The following FMO3 variants were observed in gnomAD, a reference collection of about 807,000 sequenced individuals.
FMO3 encodes the protein flavin-containing monooxygenase 3.
In FMO3, 40 loss-of-function variants were observed where a neutral mutation model predicts 39.4. That is an observed-to-expected ratio of 1.02 (90% CI 0.79 to 1.32). FMO3 has a LOEUF of 1.32. Ranked by LOEUF, FMO3 falls within the 40% of genes most tolerant of loss-of-function variation. FMO3 has a pLI of 0.00. For missense variants in FMO3, 680 were observed against 651.8 expected (o/e 1.04, Z -0.47); for synonymous variants, 219 against 228.8 (o/e 0.96, Z 0.39).
chr1:171,091,209 G>A (rs1379039415), intron 1 of FMO3, among the ~76,000 whole-genome samples: 12 of 151,602 alleles, frequency 7.9e-5, no homozygotes, highest in Non-Finnish European at 1.8e-4. Flanking sequence ...CTGGATAAAA[G>A]CGAAACTCCG....
rs1316744721 is a variant in FMO3 at position 171,094,363 on chromosome 1, T to A, written c.132+1573T>A. ...TTGAGTTCCTTATAAATTCTGATAT[T>A]TGTCTTTTGTTGAATGCATAGCTTG... On this transcript the variant is annotated intron_variant, in intron 2 of 8. Transcript: ENST00000367755. Among the ~76,000 whole-genome samples the A allele has an allele frequency of 2.6e-5, 4 of 152,124 alleles. No individual in the cohort carries two copies. In the East Asian group the frequency reaches 7.7e-4, roughly 29 times the overall value.
chr1:171,113,947 G>T, intron 6 of FMO3, 60 bp from the exon 7 acceptor site: 2 of 1,227,616 alleles, frequency 1.6e-6, no homozygotes, highest in South Asian at 1.4e-5. Context: ...TTTATATATG[G>T]ACCAATAAAA....
At chr1:171,101,177 T>C (rs1239883036) in intron 2 of FMO3, 2 of 456,120 alleles carry the variant, frequency 4.4e-6, no homozygotes, top group Admixed American at 2.3e-5. Flanking sequence ...AGGAATGGAT[T>C]CTCTCCTGGA....
intron 2 of FMO3, chr1:171,101,688 C>T: frequency 2.0e-6 from 1 of 495,838 alleles, no homozygotes. Context: ...TGATCTAGAG[C>T]CACGATGATG....
chr1:171,102,393 A>T (rs1466292062), intron 2 of FMO3, among the ~76,000 whole-genome samples: 1 of 152,202 alleles, frequency 6.6e-6, no homozygotes, highest in Non-Finnish European at 1.5e-5. Context: ...AACAGAGCTA[A>T]ACCAAGGCTC....
chr1:171,108,250 C>G, intron 5 of FMO3, 29 bp downstream of exon 5: 1 of 1,612,788 alleles, frequency 6.2e-7, no homozygotes, highest in Non-Finnish European at 8.5e-7. Context: ...TCGGGTGACT[C>G]TCGTTACTGA....
chr1:171,104,852 C>T (rs771433444), intron 3 of FMO3, among the ~76,000 whole-genome samples: 8 of 151,522 alleles, frequency 5.3e-5, no homozygotes, highest in South Asian at 2.1e-4. Context: ...CCAGCCTGGG[C>T]GACAGAGTGA....
rs1654809798 is a variant in FMO3 at position 171,093,508 on chromosome 1, T to C, written c.132+718T>C. 1.4e-5 allele frequency among the ~76,000 whole-genome samples: 2 copies of C among 139,530 alleles called. 1 individual carries two copies. The highest frequency in any genetic ancestry group is 4.1e-4 in the South Asian group (2 of 4,820). 91.5% of individuals were successfully genotyped at this position (139,530 alleles called of 152,430 possible). On this transcript the variant is annotated intron_variant, in intron 2 of 8. Coordinates refer to ENST00000367755, the MANE Select transcript of FMO3 (RefSeq NM_001002294.3). ...ATTCCATGGTGTGTGCATATATACA[T>C]ACATATATATGTATATGCGTCTGTG... is the stretch of plus-strand genomic sequence containing the variant.
At chr1:171,103,472 A>G (rs1180767141) in intron 2 of FMO3, among the ~76,000 whole-genome samples, 2 of 152,178 alleles carry the variant, frequency 1.3e-5, no homozygotes, top group African/African-American at 4.8e-5. Flanking sequence ...GATTTAAAAA[A>G]TCCAAAAATA....
chr1:171,095,789 T>C (rs1195773246), intron 2 of FMO3, among the ~76,000 whole-genome samples: 2 of 122,874 alleles, frequency 1.6e-5, no homozygotes, highest in Non-Finnish European at 3.3e-5. Context: ...ATATTAAATA[T>C]ATAAAAAATA....
rs544115098 is a variant in FMO3, at chr1:171,102,145, CAATT to C, written c.133-1634_133-1631del. Among the ~76,000 whole-genome samples the C allele has an allele frequency of 1.0e-3, 157 of 152,226 alleles. 1 individual carries two copies. Among genetic ancestry groups the C allele is most frequent in the Middle Eastern group, 6.8e-3 (2 of 294 alleles). On this transcript the variant is annotated intron_variant, in intron 2 of 8. Coordinates refer to ENST00000367755, the MANE Select transcript of FMO3 (RefSeq NM_001002294.3). The stretch of plus-strand genomic sequence containing the variant: ...GAAATGAACATGGCAACTAATCTGC[CAATT>C]AATTATTTGTCAATAATGAAACTGC...
chr1:171,114,442 C>A, intron 7 of FMO3, 80 bp downstream of exon 7: 1 of 1,064,818 alleles, frequency 9.4e-7, no homozygotes, highest in Non-Finnish European at 1.4e-6. Flanking sequence ...AAACAATAAT[C>A]CTAGTTACAA....
intron 6 of FMO3, among the ~76,000 whole-genome samples, chr1:171,112,644 T>C (rs953173503): frequency 2.6e-5 from 4 of 152,128 alleles, no homozygotes; most frequent in African/African-American, 9.7e-5. Flanking sequence ...GTTTTAGACA[T>C]ATTAAAGTTG....
At chr1:171,102,950 C>G (rs965106819) in intron 2 of FMO3, among the ~76,000 whole-genome samples, 8 of 152,252 alleles carry the variant, frequency 5.3e-5, no homozygotes, top group South Asian at 2.1e-4. Context: ...GTGTTAGATT[C>G]AAAATAGTTA....
intron 1 of FMO3, among the ~76,000 whole-genome samples, chr1:171,091,894 T>G (rs533285498): frequency 9.6e-6 from 1 of 104,512 alleles, no homozygotes; most frequent in East Asian, 5.2e-4. Flanking sequence ...ACAGATTGCG[T>G]GTGTGTGTGT....
rs868221349 is a variant in FMO3 at position 171,096,717 on chromosome 1, A to T, written c.132+3927A>T. Among the ~76,000 whole-genome samples the T allele has an allele frequency of 6.5e-3, 900 of 139,442 alleles. 15 individuals are homozygous for T. The highest frequency in any genetic ancestry group is 0.022 in the African/African-American group (847 of 38,032). 91.5% of individuals were successfully genotyped at this position (139,442 alleles called of 152,430 possible). ...AATATAATTATATAAAAATTAATAT[A>T]ATTATATTAAAAATATATATAATTA... On this transcript the variant is annotated intron_variant, in intron 2 of 8. Transcript: ENST00000367755.
intron 2 of FMO3, chr1:171,101,588 T>G (rs1043586355): frequency 1.9e-5 from 8 of 425,970 alleles, no homozygotes; most frequent in Admixed American, 1.4e-4. Flanking sequence ...TGGTTAAAAC[T>G]TAGCTAACAC....
At chr1:171,093,970 G>A (rs1238661725) in intron 2 of FMO3, among the ~76,000 whole-genome samples, 1 of 151,050 alleles carries the variant, frequency 6.6e-6, no homozygotes, top group Admixed American at 6.6e-5. Context: ...GAGTAGCTGG[G>A]GTTACAGGTG....
chr1:171,117,512 T>C lies in FMO3; in HGVS notation c.*70T>C, dbSNP rs1656219306. 3 of 1,281,174 alleles carry C rather than the reference T, an allele frequency of 2.3e-6. No individual in the cohort carries two copies. In the Admixed American group the frequency reaches 6.1e-5, roughly 26 times the overall value. 79.4% of individuals were successfully genotyped at this position (1,281,174 alleles called of 1,614,324 possible). A position where few individuals can be genotyped will look rare whatever the true frequency, so the allele number is the denominator to read the frequency against. On this transcript the variant is annotated 3_prime_UTR_variant, in exon 9 of 9. Transcript: ENST00000367755. ...GACAGGGGCTTTGCTATTTAAAAAT[T>C]AAAATTTTCACACCACCTGCTTTTC...
Sources: gnomAD v4.1 joint callset for allele counts (sites outside exome capture counted in the v4.1 genomes callset) on GRCh38, gnomAD v4.1.1 for gene constraint, MANE v1.5 for transcripts, NCBI Gene and HGNC (gene_info 2026-07-23, HGNC 2026-07-21) for gene names.